The following ACOXL variants were observed in gnomAD, a reference collection of about 807,000 sequenced individuals.
The protein encoded by ACOXL is acyl-coenzyme A oxidase-like protein.
ACOXL carries 70 observed loss-of-function variants against 71.9 expected under a neutral mutation model. The observed-to-expected ratio is 0.97, with a 90% confidence interval of 0.80 to 1.19. ACOXL has a LOEUF of 1.19. Ranked by LOEUF, ACOXL falls within the 50% of genes most tolerant of loss-of-function variation. The pLI is 0.00. For synonymous variants in ACOXL, 253 were observed against 281.6 expected, an observed-to-expected ratio of 0.90 and a Z score of 1.02; for missense variants, 703 against 736.3, an observed-to-expected ratio of 0.95 and a Z score of 0.52.
chr2:110,912,998 A>G lies in ACOXL; in HGVS notation c.905+4093A>G, dbSNP rs190110313. On this transcript the variant is annotated intron_variant, in intron 11 of 17. Coordinates refer to ENST00000439055, the MANE Select transcript of ACOXL (RefSeq NM_001142807.4). ...AGATGTACAAATAACCAATAAGCAC[A>G]TGAAAAAGTTCTAAAAGTCATTATT... Among the ~76,000 whole-genome samples the G allele has an allele frequency of 2.0e-5, 3 of 152,332 alleles. No homozygotes were observed. The East Asian group carries it at 5.8e-4, about 29-fold the overall frequency.
At chr2:110,932,526 A>G (rs909352218) in intron 11 of ACOXL, among the ~76,000 whole-genome samples, 1 of 152,232 alleles carries the variant, frequency 6.6e-6, no homozygotes, top group Non-Finnish European at 1.5e-5. Context: ...ATCTTTATAT[A>G]TAAAATCTCA....
intron 14 of ACOXL, among the ~76,000 whole-genome samples, chr2:111,026,653 A>G (rs1389846646): frequency 6.6e-6 from 1 of 152,132 alleles, no homozygotes; most frequent in Non-Finnish European, 1.5e-5. Flanking sequence ...ATTTTTGTAT[A>G]TCAATCTTGT....
intron 3 of ACOXL, among the ~76,000 whole-genome samples, chr2:110,792,877 C>A (rs1223635517): frequency 1.3e-5 from 2 of 152,198 alleles, no homozygotes; most frequent in African/African-American, 4.8e-5. Flanking sequence ...TCCTCATGGT[C>A]ACTATATGAA....
intron 1 of ACOXL, among the ~76,000 whole-genome samples, chr2:110,750,675 G>C (rs1172588875): frequency 2.0e-5 from 3 of 149,078 alleles, no homozygotes. Flanking sequence ...GTGTATGGGT[G>C]TGTGTGTGTA....
At chr2:110,927,799 C>A (rs527288251) in intron 11 of ACOXL, among the ~76,000 whole-genome samples, 1 of 152,194 alleles carries the variant, frequency 6.6e-6, no homozygotes, top group Non-Finnish European at 1.5e-5. Context: ...GTAACTACAT[C>A]ACACCTGGCT....
At chr2:110,846,429 T>C (rs1313357414) in intron 10 of ACOXL, among the ~76,000 whole-genome samples, 2 of 152,108 alleles carry the variant, frequency 1.3e-5, no homozygotes, top group Non-Finnish European at 2.9e-5. Context: ...CAGCAGTGCC[T>C]CTCAGGCTGC....
intron 15 of ACOXL, among the ~76,000 whole-genome samples, chr2:111,032,273 A>G (rs948759541): frequency 1.3e-5 from 2 of 152,116 alleles, no homozygotes; most frequent in African/African-American, 2.4e-5. Flanking sequence ...TCACACTGAG[A>G]GGGGTAGTGC....
At chr2:111,117,531 G>T in intron 17 of ACOXL, 85 bp from the exon 18 acceptor site, 1 of 1,396,308 alleles carries the variant, frequency 7.2e-7, no homozygotes, top group Non-Finnish European at 9.9e-7. Flanking sequence ...GTGTGTGCGG[G>T]TGCTTGGTGG....
rs534911028 is a variant in ACOXL at position 110,889,343 on chromosome 2, T to C, written c.789-19446T>C. Among the ~76,000 whole-genome samples, 31 of 152,324 alleles carry C rather than the reference T, an allele frequency of 2.0e-4. 1 individual carries two copies. The highest frequency in any genetic ancestry group is 1.2e-3 in the Admixed American group (19 of 15,306). ...TTTTAAAACAACAGCTTTATTGATA[T>C]ATCATCCACATTGTGTAAAATTGTT... On this transcript the variant is annotated intron_variant, in intron 10 of 17. Transcript: ENST00000439055.
chr2:110,787,248 T>C (rs1684075033), intron 3 of ACOXL, among the ~76,000 whole-genome samples: 1 of 152,080 alleles, frequency 6.6e-6, no homozygotes, highest in Non-Finnish European at 1.5e-5. Context: ...GAAATACTTC[T>C]CTGAGGCCGG....
At chr2:111,084,849 G>A (rs1165829938) in intron 16 of ACOXL, among the ~76,000 whole-genome samples, 1 of 150,428 alleles carries the variant, frequency 6.6e-6, no homozygotes, top group Non-Finnish European at 1.5e-5. Context: ...GACACCCATA[G>A]GCTCAAAATG....
In ACOXL at chr2:111,003,729, A is replaced by G. The variant is rs959943985; in HGVS notation, c.1281+7725A>G. On this transcript the variant is annotated intron_variant, in intron 14 of 17. Transcript: ENST00000439055. Reference sequence around the variant, plus strand: ...AAGCACTAAAAATTATAAACCTTGCACTCGTGTTAAATATCTTGGTTACTA... The same window carrying G: ...AAGCACTAAAAATTATAAACCTTGCGCTCGTGTTAAATATCTTGGTTACTA... Among the ~76,000 whole-genome samples the G allele has an allele frequency of 2.6e-5, 4 of 152,154 alleles. No homozygotes were observed. The East Asian group carries it at 7.7e-4, about 29-fold the overall frequency.
intron 15 of ACOXL, among the ~76,000 whole-genome samples, chr2:111,041,305 A>T (rs1212061403): frequency 1.3e-5 from 2 of 152,136 alleles, no homozygotes; most frequent in Admixed American, 1.3e-4. Flanking sequence ...GGAAAACAGG[A>T]TCAATGCCAC....
intron 16 of ACOXL, among the ~76,000 whole-genome samples, chr2:111,066,144 G>A (rs1450395038): frequency 1.3e-5 from 2 of 152,084 alleles, no homozygotes; most frequent in Non-Finnish European, 2.9e-5. Context: ...TCCTTTAATG[G>A]GTAAATGATT....
At chr2:110,977,558 C>T (rs1295745920) in intron 12 of ACOXL, among the ~76,000 whole-genome samples, 4 of 152,158 alleles carry the variant, frequency 2.6e-5, no homozygotes, top group South Asian at 2.1e-4. Flanking sequence ...TCTTTACTCC[C>T]ACGAATGAAC....
intron 5 of ACOXL, among the ~76,000 whole-genome samples, chr2:110,797,398 A>G (rs570697085): frequency 2.0e-4 from 31 of 152,344 alleles, no homozygotes; most frequent in African/African-American, 7.2e-4. Flanking sequence ...GCTTGAACAT[A>G]TGAACCTCTT....
intron 11 of ACOXL, among the ~76,000 whole-genome samples, chr2:110,922,993 T>G (rs554211820): frequency 7.5e-4 from 114 of 152,262 alleles, no homozygotes; most frequent in Non-Finnish European, 1.3e-3. Context: ...CCATTATAGC[T>G]CTGCAGCTTC....
intron 10 of ACOXL, among the ~76,000 whole-genome samples, chr2:110,870,742 T>C (rs1695173565): frequency 6.6e-6 from 1 of 152,192 alleles, no homozygotes; most frequent in Non-Finnish European, 1.5e-5. Flanking sequence ...TTTCTAGATA[T>C]GATGTTTTCC....
At chr2:111,067,523 C>G (rs777725946) in intron 16 of ACOXL, among the ~76,000 whole-genome samples, 1 of 151,980 alleles carries the variant, frequency 6.6e-6, no homozygotes, top group Non-Finnish European at 1.5e-5. Context: ...ATCACTGACT[C>G]GCTTAGTCAA....
Sources: allele counts gnomAD v4.1 joint callset (sites outside exome capture counted in the v4.1 genomes callset), GRCh38; gene constraint gnomAD v4.1.1; transcripts MANE v1.5; gene names NCBI Gene and HGNC (gene_info 2026-07-23, HGNC 2026-07-21).